The following MMAA variants were observed in gnomAD, a reference collection of about 807,000 sequenced individuals.
MMAA encodes the protein metabolism of cobalamin associated A.
In MMAA, 41 loss-of-function variants were observed where a neutral mutation model predicts 45.0. That is an observed-to-expected ratio of 0.91 (90% CI 0.71 to 1.18). The LOEUF (loss-of-function observed/expected upper bound fraction) is 1.18. MMAA is among the 50% of genes most tolerant of loss of function. The pLI, the probability that MMAA is intolerant of heterozygous loss-of-function variation, is 0.00. For missense variants in MMAA, 460 were observed against 495.7 expected (o/e 0.93, Z 0.68); for synonymous variants, 154 against 178.2 (o/e 0.86, Z 1.08).
intron 1 of MMAA, among the ~76,000 whole-genome samples, chr4:145,621,127 G>T (rs1734080492): frequency 6.6e-6 from 1 of 152,180 alleles, no homozygotes; most frequent in South Asian, 2.1e-4. Flanking sequence ...CCCTGTGCCA[G>T]GCTCTCTCAT....
rs569226174 is a variant in MMAA at position 145,648,332 on chromosome 4, G to A, written c.733+2176G>A. On this transcript the variant is annotated intron_variant, in intron 4 of 6. Coordinates refer to ENST00000649156, the MANE Select transcript of MMAA (RefSeq NM_172250.3). ...CCGGCTAATTTTTGTATTTTTAGTA[G>A]AGACGGGGTTTCACCATATTGGCCA... Among the ~76,000 whole-genome samples, 76 of 151,870 alleles carry A rather than the reference G, an allele frequency of 5.0e-4. 2 individuals are homozygous for A. In the South Asian group the frequency reaches 0.015, roughly 31 times the overall value.
chr4:145,636,054 C>G (rs1727598230), intron 1 of MMAA, among the ~76,000 whole-genome samples: 1 of 152,176 alleles, frequency 6.6e-6, no homozygotes, highest in South Asian at 2.1e-4. Flanking sequence ...TTGTACTGTC[C>G]TCATGGAATT....
chr4:145,654,324 A>G (rs1441060600), intron 6 of MMAA, among the ~76,000 whole-genome samples, 181 bp downstream of exon 6: 2 of 152,214 alleles, frequency 1.3e-5, no homozygotes, highest in African/African-American at 4.8e-5. Context: ...TTTAACCACT[A>G]GATGTCAAAA....
Position 145,639,211 on chromosome 4 carries a change from C to A in MMAA, c.72C>A (p.Tyr24Ter), listed in dbSNP as rs1553957883. 2 of 1,614,148 alleles carry A rather than the reference C, an allele frequency of 1.2e-6. No homozygotes were observed. Among genetic ancestry groups the A allele is most frequent in the South Asian group, 2.2e-5 (2 of 91,068 alleles). The change falls in exon 2 of 7, where the codon TAC becomes TAA. Residue 24 changes from tyrosine (Y) to a stop codon, truncating the protein, a stop_gained. Coordinates refer to ENST00000649156, the MANE Select transcript of MMAA (RefSeq NM_172250.3). LOFTEE classifies it high-confidence loss of function. ...KGLLRAPFRC[Y>*]HFIFHSSTHL... ...TTTTAAGAGCACCTTTCCGATGTTA[C>A]CACTTCATCTTTCACTCAAGTACTC...
intron 1 of MMAA, among the ~76,000 whole-genome samples, chr4:145,634,950 T>G (rs544442495): frequency 2.0e-5 from 3 of 151,908 alleles, no homozygotes; most frequent in Non-Finnish European, 4.4e-5. Context: ...CTCCCCGCTC[T>G]TCCCTTTCCT....
chr4:145,633,192 T>TTA (rs1371400770), intron 1 of MMAA, among the ~76,000 whole-genome samples: 1 of 141,866 alleles, frequency 7.0e-6, no homozygotes, highest in Admixed American at 6.9e-5. Context: ...TTGAATTTCT[T>TTA]TTTCTTTTTT....
intron 1 of MMAA, chr4:145,626,126 C>T: frequency 1.9e-6 from 1 of 530,986 alleles, no homozygotes; most frequent in Non-Finnish European, 3.3e-6. Flanking sequence ...AAACCTAGGG[C>T]CCAAAGCTGA....
chr4:145,619,897 C>A (rs754487700), intron 1 of MMAA, among the ~76,000 whole-genome samples: 13 of 152,166 alleles, frequency 8.5e-5, no homozygotes, highest in Non-Finnish European at 1.3e-4. Flanking sequence ...CAAACAGTAT[C>A]TAGGTTCCGT....
At chr4:145,623,776 A>C (rs1734137309) in intron 1 of MMAA, among the ~76,000 whole-genome samples, 1 of 152,224 alleles carries the variant, frequency 6.6e-6, no homozygotes, top group African/African-American at 2.4e-5. Context: ...AGAATACATT[A>C]ATACACTTCG....
chr4:145,640,039 G>A (rs948480493), intron 2 of MMAA, among the ~76,000 whole-genome samples: 1 of 151,966 alleles, frequency 6.6e-6, no homozygotes, highest in Non-Finnish European at 1.5e-5. Context: ...TTTTTATTGA[G>A]TTTCTCGGAG....
intron 1 of MMAA, among the ~76,000 whole-genome samples, chr4:145,636,635 A>C (rs545430843): frequency 6.6e-6 from 1 of 152,238 alleles, no homozygotes; most frequent in African/African-American, 2.4e-5. Context: ...TTAAGTCCTC[A>C]GACTGGAAAG....
rs766454656 is a variant in MMAA, at chr4:145,639,529, C to T, written c.390C>T (p.His130=). The T allele has an allele frequency of 6.2e-7, 1 of 1,613,300 alleles. No homozygotes were observed. Among genetic ancestry groups the T allele is most frequent in the South Asian group, 1.1e-5 (1 of 90,952 alleles). ...QVLLQKVLLY[H]REQEQSNKGK... ...TTCTTCAGAAAGTATTACTTTACCA[C>T]AGAGAACAAGAACAATCAAATAAAG... Residue 130 remains histidine, a synonymous_variant, in exon 2 of 7, where the codon CAC becomes CAT. Coordinates refer to ENST00000649156, the MANE Select transcript of MMAA (RefSeq NM_172250.3).
rs893004411 is a variant in MMAA, at chr4:145,657,359, A to C, written c.*1925A>C. 1 of 151,910 alleles carries C rather than the reference A, an allele frequency of 6.6e-6. No homozygotes were observed. The highest frequency in any genetic ancestry group is 2.4e-5 in the African/African-American group (1 of 41,310). 9.4% of individuals were successfully genotyped at this position (151,910 alleles called of 1,614,324 possible). On this transcript the variant is annotated 3_prime_UTR_variant, in exon 7 of 7. Coordinates refer to ENST00000649156, the MANE Select transcript of MMAA (RefSeq NM_172250.3). ...TTATTTGCTATACTGGAGGTAATATAATAATAATGAAATATAGCTTTTTTT... is the reference window on the plus strand; with the variant it reads ...TTATTTGCTATACTGGAGGTAATATCATAATAATGAAATATAGCTTTTTTT...
In MMAA at chr4:145,633,196, CTTTTTTT is replaced by C. The variant is rs941603291; in HGVS notation, c.-65-5864_-65-5858del. On this transcript the variant is annotated intron_variant, in intron 1 of 6. Transcript: ENST00000649156. ...CTTGTGGTATCTTGAATTTCTTTTT[CTTTTTTT>C]TTTTTTTTTTTTTTGAGATGGAGTT... 4.1e-4 allele frequency among the ~76,000 whole-genome samples: 36 copies of C among 88,444 alleles called. 1 individual carries two copies. Among genetic ancestry groups the C allele is most frequent in the Middle Eastern group, 0.016 (2 of 126 alleles). 58.0% of individuals were successfully genotyped at this position (88,444 alleles called of 152,430 possible). A position where few individuals can be genotyped will look rare whatever the true frequency, so the allele number is the denominator to read the frequency against.
chr4:145,656,922 G>A lies in MMAA; in HGVS notation c.*1488G>A, dbSNP rs1208283412. 1 of 152,170 alleles carries A rather than the reference G, an allele frequency of 6.6e-6. No individual in the cohort carries two copies. The highest frequency in any genetic ancestry group is 1.5e-5 in the Non-Finnish European group (1 of 68,022). The allele number at this position is 152,170 out of a possible 1,614,324, so 9.4% of individuals were successfully genotyped here. A position where few individuals can be genotyped will look rare whatever the true frequency, so the allele number is the denominator to read the frequency against. ...GCATAGCTATTTCATACAAGGATTA[G>A]GAGAAACTTTGAAAGGTTATCCACT... On this transcript the variant is annotated 3_prime_UTR_variant, in exon 7 of 7. Transcript: ENST00000649156.
rs574861115 is a variant in MMAA, at chr4:145,622,296, A to G, written c.-66+2889A>G. Among the ~76,000 whole-genome samples the G allele has an allele frequency of 6.4e-4, 98 of 152,304 alleles. 1 individual carries two copies. Among genetic ancestry groups the G allele is most frequent in the African/African-American group, 2.3e-3 (97 of 41,560 alleles). ...TTCCTTGCTGCCATCCATGTAAGAC[A>G]TGACTTGCTCCTCCTTGCCTTCAGC... On this transcript the variant is annotated intron_variant, in intron 1 of 6. Coordinates refer to ENST00000649156, the MANE Select transcript of MMAA (RefSeq NM_172250.3).
intron 4 of MMAA, 182 bp from the exon 5 acceptor site, chr4:145,650,880 G>T: frequency 1.5e-6 from 1 of 648,294 alleles, no homozygotes; most frequent in South Asian, 1.7e-5. Flanking sequence ...TAACGGGTTT[G>T]CTTAGAGGGT....
At chr4:145,626,227 C>T (rs182241172) in intron 1 of MMAA, among the ~76,000 whole-genome samples, 94 of 152,294 alleles carry the variant, frequency 6.2e-4, no homozygotes, top group South Asian at 2.5e-3. Flanking sequence ...TAATCCTTCT[C>T]TCTACTTACA....
chr4:145,657,478 A>G lies in MMAA; in HGVS notation c.*2044A>G, dbSNP rs991051518. On this transcript the variant is annotated 3_prime_UTR_variant, in exon 7 of 7. Transcript: ENST00000649156. ...AAAGCATAGGTTTTGACTTAGATAC[A>G]TGTGGGGGCAGATCTCAGCTCTATC... The G allele has an allele frequency of 2.0e-5, 3 of 152,166 alleles. No individual in the cohort carries two copies. Among genetic ancestry groups the G allele is most frequent in the African/African-American group, 7.2e-5 (3 of 41,532 alleles). The allele number at this position is 152,166 out of a possible 1,614,324, so 9.4% of individuals were successfully genotyped here.
Sources: gnomAD v4.1 joint callset for allele counts (sites outside exome capture counted in the v4.1 genomes callset) on GRCh38, gnomAD v4.1.1 for gene constraint, MANE v1.5 for transcripts, NCBI Gene and HGNC (gene_info 2026-07-23, HGNC 2026-07-21) for gene names.